ADAMTS16: variants seen among roughly 807,000 people sequenced by gnomAD.
The protein encoded by ADAMTS16 is A disintegrin and metalloproteinase with thrombospondin motifs 16.
Under a neutral mutation model 145.8 loss-of-function variants are expected in ADAMTS16, and 94 were observed. The ratio of observed to expected loss-of-function variants is 0.64; its 90% CI spans 0.55 to 0.77. The LOEUF is 0.77. Among genes scored for constraint, ADAMTS16 ranks in the 30% least tolerant of loss-of-function variants. The pLI, the probability that ADAMTS16 is intolerant of heterozygous loss-of-function variation, is 0.00. For synonymous variants in ADAMTS16, 659 were observed against 604.3 expected, an observed-to-expected ratio of 1.09 and a Z score of -1.33; for missense variants, 1,585 against 1,591.5, an observed-to-expected ratio of 1.00 and a Z score of 0.07.
chr5:5,160,898 C>CA lies in ADAMTS16; in HGVS notation c.501+14449dup, dbSNP rs1734724397. On this transcript the variant is annotated intron_variant, in intron 3 of 22. Transcript: ENST00000274181. ...GGAGCCCTGTGCCTTTATGTGTATA[C>CA]AAAAAACACAGTGTTCGATAGATTT... Among the ~76,000 whole-genome samples the CA allele has an allele frequency of 2.6e-5, 4 of 152,032 alleles. No homozygotes were observed. In the South Asian group the frequency reaches 8.3e-4, roughly 32 times the overall value.
At chr5:5,204,600 A>G (rs772043542) in intron 9 of ADAMTS16, among the ~76,000 whole-genome samples, 2 of 152,256 alleles carry the variant, frequency 1.3e-5, no homozygotes, top group Non-Finnish European at 2.9e-5. Context: ...CTGCATCTAA[A>G]TATAGCATTA....
intron 3 of ADAMTS16, among the ~76,000 whole-genome samples, chr5:5,177,440 G>A (rs2126552668): frequency 6.6e-6 from 1 of 152,332 alleles, no homozygotes; most frequent in Non-Finnish European, 1.5e-5. Flanking sequence ...AGAGAGCCCA[G>A]TGCCTAAGTC....
intron 21 of ADAMTS16, among the ~76,000 whole-genome samples, chr5:5,312,750 AC>A (rs1207371179): frequency 2.0e-5 from 3 of 152,014 alleles, no homozygotes; most frequent in Non-Finnish European, 4.4e-5. Flanking sequence ...GAGCCGCTGC[AC>A]CCAGCCCCCT....
chr5:5,272,495 G>C (rs2126454649), intron 18 of ADAMTS16, among the ~76,000 whole-genome samples: 1 of 151,326 alleles, frequency 6.6e-6, no homozygotes, highest in South Asian at 2.1e-4. Flanking sequence ...CTGAGTAGCT[G>C]GGACTACAGG....
At position 5,154,008 on chromosome 5, in the gene ADAMTS16, T is replaced by C. The variant is rs1341817733; in HGVS notation, c.501+7553T>C. ...TATTTCTACCCACAAACTCCAGGGA[T>C]TCCCTGGAAATTCTAGTCATTGAGA... is the stretch of plus-strand genomic sequence containing the variant. On this transcript the variant is annotated intron_variant, in intron 3 of 22. Coordinates refer to ENST00000274181, the MANE Select transcript of ADAMTS16 (RefSeq NM_139056.4). 2.6e-5 allele frequency among the ~76,000 whole-genome samples: 4 copies of C among 151,276 alleles called. No homozygotes were observed. In the East Asian group the frequency reaches 7.7e-4, roughly 29 times the overall value.
In ADAMTS16 at chr5:5,319,174, C is replaced by T. The variant is rs372911638; in HGVS notation, c.*36C>T. On this transcript the variant is annotated 3_prime_UTR_variant, in exon 23 of 23. Coordinates refer to ENST00000274181, the MANE Select transcript of ADAMTS16 (RefSeq NM_139056.4). ...CTCTCCGTAGCAGAGAAAGTGCCTG[C>T]GTGGCACAGAAATTTCCCACAAATG... The T allele has an allele frequency of 1.1e-4, 166 of 1,478,216 alleles. No homozygotes were observed. Among genetic ancestry groups the T allele is most frequent in the South Asian group, 1.6e-4 (14 of 84,996 alleles). The allele number at this position is 1,478,216 out of a possible 1,614,324, so 91.6% of individuals were successfully genotyped here.
At chr5:5,247,362 C>T (rs1211449272) in intron 17 of ADAMTS16, among the ~76,000 whole-genome samples, 3 of 152,100 alleles carry the variant, frequency 2.0e-5, no homozygotes, top group African/African-American at 7.2e-5. Context: ...CCCCCCGCCC[C>T]CCGATCCCAA....
At chr5:5,256,390 C>T (rs1281625574) in intron 17 of ADAMTS16, among the ~76,000 whole-genome samples, 1 of 152,234 alleles carries the variant, frequency 6.6e-6, no homozygotes, top group African/African-American at 2.4e-5. Flanking sequence ...ACAGCTAAGA[C>T]ATAACTGGCC....
At chr5:5,312,636 C>T (rs185374877) in intron 21 of ADAMTS16, among the ~76,000 whole-genome samples, 33 of 152,076 alleles carry the variant, frequency 2.2e-4, no homozygotes, top group African/African-American at 5.8e-4. Flanking sequence ...TTAGTAGAGA[C>T]GGGGTTTTGC....
chr5:5,304,423 A>G (rs1028258880), intron 20 of ADAMTS16, among the ~76,000 whole-genome samples: 3 of 152,086 alleles, frequency 2.0e-5, no homozygotes, highest in Non-Finnish European at 4.4e-5. Flanking sequence ...CACTTTGGAA[A>G]TCTTACACCC....
chr5:5,316,098 G>C (rs1469547640), intron 21 of ADAMTS16, among the ~76,000 whole-genome samples: 2 of 152,186 alleles, frequency 1.3e-5, no homozygotes, highest in Non-Finnish European at 2.9e-5. Flanking sequence ...ACTTCGTAAA[G>C]CTCTGATTGC....
At chr5:5,146,082 C>A in intron 2 of ADAMTS16, 48 bp from the exon 3 acceptor site, 1 of 1,498,572 alleles carries the variant, frequency 6.7e-7, no homozygotes, top group South Asian at 1.2e-5. Context: ...CCTGATTCTT[C>A]TCGGAATTCC....
At chr5:5,204,929 C>T (rs529638049) in intron 9 of ADAMTS16, among the ~76,000 whole-genome samples, 4 of 152,208 alleles carry the variant, frequency 2.6e-5, no homozygotes, top group East Asian at 1.9e-4. Flanking sequence ...CACTTGGTCA[C>T]GTTGATATTT....
rs533913346 is a variant in ADAMTS16 at position 5,312,606 on chromosome 5, C to T, written c.3412-5528C>T. On this transcript the variant is annotated intron_variant, in intron 21 of 22. Transcript: ENST00000274181. ...GGGATTACAGGTGTGCTCCACCACTCCCAGCTAATTTTTGTAATTTTAGTA... is the reference window on the plus strand; with the variant it reads ...GGGATTACAGGTGTGCTCCACCACTTCCAGCTAATTTTTGTAATTTTAGTA... Among the ~76,000 whole-genome samples, 7 of 152,232 alleles carry T rather than the reference C, an allele frequency of 4.6e-5. 1 individual carries two copies. The South Asian group carries it at 1.5e-3, about 32-fold the overall frequency.
intron 17 of ADAMTS16, among the ~76,000 whole-genome samples, chr5:5,252,133 GC>G (rs1737648998): frequency 1.3e-5 from 2 of 152,200 alleles, no homozygotes; most frequent in South Asian, 4.1e-4. Flanking sequence ...GCAGGCGTGA[GC>G]CACCGTGCCT....
chr5:5,281,938 T>C (rs16875221), intron 18 of ADAMTS16, among the ~76,000 whole-genome samples: 10,314 of 152,282 alleles, frequency 0.068, 390 homozygotes, highest in South Asian at 0.12. Flanking sequence ...GTATACAAAA[T>C]ACAGAAAACG....
chr5:5,210,081 T>A (rs16875068), intron 10 of ADAMTS16, among the ~76,000 whole-genome samples: 2,645 of 152,254 alleles, frequency 0.017, 78 homozygotes, highest in African/African-American at 0.058. Flanking sequence ...GATCCTTATC[T>A]CTTCAGCTGG....
intron 2 of ADAMTS16, among the ~76,000 whole-genome samples, chr5:5,144,259 A>G (rs186056184): frequency 6.6e-6 from 1 of 152,292 alleles, no homozygotes; most frequent in East Asian, 1.9e-4. Flanking sequence ...TTGTCCAGAT[A>G]ATCTACAAGA....
At chr5:5,190,184 C>A in intron 7 of ADAMTS16, 54 bp downstream of exon 7, 1 of 1,495,272 alleles carries the variant, frequency 6.7e-7, no homozygotes, top group Non-Finnish European at 8.9e-7. Flanking sequence ...CACCCCTGGC[C>A]GTGACACAGT....
Sources: allele counts gnomAD v4.1 joint callset (sites outside exome capture counted in the v4.1 genomes callset), GRCh38; gene constraint gnomAD v4.1.1; transcripts MANE v1.5; gene names NCBI Gene and HGNC (gene_info 2026-07-23, HGNC 2026-07-21).